IL1RAPL1: variants seen among roughly 807,000 people sequenced by gnomAD.
The protein encoded by IL1RAPL1 is interleukin 1 receptor accessory protein like 1.
IL1RAPL1 carries 3 observed loss-of-function variants against 48.4 expected under a neutral mutation model. The ratio of observed to expected loss-of-function variants is 0.06; its 90% CI spans 0.03 to 0.16. IL1RAPL1 has a LOEUF of 0.16. Ranked by LOEUF, IL1RAPL1 falls within the 10% of genes least tolerant of loss-of-function variation. The probability of loss-of-function intolerance (pLI) is 1.00; values close to 1 mark genes in which losing one functional copy is unlikely to be tolerated. For synonymous variants in IL1RAPL1, 185 were observed against 187.7 expected (o/e 0.99, Z 0.12); for missense variants, 349 against 530.6 (o/e 0.66, Z 3.36).
At position 28,829,738 on chromosome X, in the gene IL1RAPL1, T is replaced by G. The variant is rs749594493; in HGVS notation, c.82+40313T>G. On this transcript the variant is annotated intron_variant, in intron 2 of 10. Transcript: ENST00000378993. ...CCATGCCCAGCTAATTTTTGTATTTTTAGTAGAGACAGGGTTTCACCATGT... is the reference window on the plus strand; with the variant it reads ...CCATGCCCAGCTAATTTTTGTATTTGTAGTAGAGACAGGGTTTCACCATGT... Among the ~76,000 whole-genome samples the G allele has an allele frequency of 2.7e-5, 3 of 109,710 alleles. No homozygotes were observed. The South Asian group carries it at 1.2e-3, about 44-fold the overall frequency.
chrX:28,805,412 A>G (rs1243072289), intron 2 of IL1RAPL1, among the ~76,000 whole-genome samples: 1 of 111,290 alleles, frequency 9.0e-6, no homozygotes, highest in African/African-American at 3.3e-5. Context: ...CCGACTGACA[A>G]ATTGTACATC....
intron 2 of IL1RAPL1, among the ~76,000 whole-genome samples, chrX:29,048,083 G>A (rs1239462943): frequency 9.0e-6 from 1 of 111,198 alleles, no homozygotes; most frequent in African/African-American, 3.3e-5. Context: ...ACGTGTATGT[G>A]TGTTTGTCAC....
At chrX:28,878,353 G>T (rs768366965) in intron 2 of IL1RAPL1, among the ~76,000 whole-genome samples, 1 of 111,511 alleles carries the variant, frequency 9.0e-6, no homozygotes, top group East Asian at 2.8e-4. Flanking sequence ...GGTATTGAAA[G>T]GGTGGCATGA....
intron 3 of IL1RAPL1, among the ~76,000 whole-genome samples, chrX:29,339,027 G>A (rs1268303981): frequency 9.4e-6 from 1 of 106,802 alleles, no homozygotes; most frequent in Non-Finnish European, 1.9e-5. Flanking sequence ...CACCCGAGCC[G>A]CAGGTACTGA....
At chrX:29,573,702 A>G in intron 5 of IL1RAPL1, among the ~76,000 whole-genome samples, 1 of 112,450 alleles carries the variant, frequency 8.9e-6, no homozygotes, top group Non-Finnish European at 1.9e-5. Context: ...CTTTAGGTAG[A>G]TCCTCGTAAA....
chrX:28,815,588 A>G (rs187026433), intron 2 of IL1RAPL1, among the ~76,000 whole-genome samples: 1 of 105,508 alleles, frequency 9.5e-6, no homozygotes, highest in Non-Finnish European at 2.0e-5. Flanking sequence ...GTACCCATTA[A>G]TCAACCTCGC....
At chrX:28,907,294 A>G (rs1173758134) in intron 2 of IL1RAPL1, among the ~76,000 whole-genome samples, 3 of 111,671 alleles carry the variant, frequency 2.7e-5, no homozygotes, top group Non-Finnish European at 5.6e-5. Flanking sequence ...TCACTCTGTC[A>G]CCCAGGCTGG....
intron 5 of IL1RAPL1, among the ~76,000 whole-genome samples, chrX:29,432,264 C>A (rs1410931611): frequency 9.0e-6 from 1 of 111,163 alleles, no homozygotes; most frequent in Non-Finnish European, 1.9e-5. Flanking sequence ...TTTCTCTGCC[C>A]CTTTAAGGTG....
intron 5 of IL1RAPL1, among the ~76,000 whole-genome samples, chrX:29,591,683 C>T (rs965441582): frequency 8.9e-6 from 1 of 112,651 alleles, no homozygotes; most frequent in Admixed American, 9.3e-5. Flanking sequence ...TTGGGGGAAG[C>T]CCTCTGCTGT....
intron 2 of IL1RAPL1, among the ~76,000 whole-genome samples, chrX:29,111,994 A>G (rs1402118654): frequency 1.1e-5 from 1 of 89,479 alleles, no homozygotes; most frequent in Non-Finnish European, 2.1e-5. Flanking sequence ...CAGTGGCGCC[A>G]TCTTGGCTTA....
chrX:29,236,088 T>A (rs1931288578), intron 2 of IL1RAPL1, among the ~76,000 whole-genome samples: 1 of 112,683 alleles, frequency 8.9e-6, no homozygotes, highest in African/African-American at 3.2e-5. Flanking sequence ...GAGAATACAG[T>A]TGACTTCCTA....
At chrX:28,628,476 G>A (rs1934365444) in intron 1 of IL1RAPL1, among the ~76,000 whole-genome samples, 1 of 112,132 alleles carries the variant, frequency 8.9e-6, no homozygotes, top group African/African-American at 3.2e-5. Flanking sequence ...CAGCTGTTTT[G>A]ATATACAGGA....
At chrX:29,452,604 G>C (rs1450930615) in intron 5 of IL1RAPL1, among the ~76,000 whole-genome samples, 2 of 111,549 alleles carry the variant, frequency 1.8e-5, no homozygotes, top group African/African-American at 6.5e-5. Context: ...TTAGGGTAGA[G>C]ACCAGGCTTA....
chrX:29,436,081 T>A (rs1394415313), intron 5 of IL1RAPL1, among the ~76,000 whole-genome samples: 1 of 109,545 alleles, frequency 9.1e-6, no homozygotes, highest in Non-Finnish European at 1.9e-5. Context: ...TTAAGTCCAT[T>A]GGACTGGCAG....
intron 3 of IL1RAPL1, among the ~76,000 whole-genome samples, chrX:29,326,408 A>G (rs1281549673): frequency 8.9e-6 from 1 of 112,498 alleles, no homozygotes; most frequent in Non-Finnish European, 1.9e-5. Context: ...ACATCAAATG[A>G]GGCAAAGTAC....
At chrX:29,270,199 G>A (rs2147590878) in intron 2 of IL1RAPL1, among the ~76,000 whole-genome samples, 1 of 111,457 alleles carries the variant, frequency 9.0e-6, no homozygotes, top group African/African-American at 3.3e-5. Context: ...CTCTGAATAA[G>A]GCTTCTATGA....
intron 5 of IL1RAPL1, among the ~76,000 whole-genome samples, chrX:29,402,912 A>G (rs1934012526): frequency 8.9e-6 from 1 of 111,897 alleles, no homozygotes; most frequent in Non-Finnish European, 1.9e-5. Context: ...GAAAAAACAC[A>G]GAGGTAAAAT....
At chrX:28,742,337 G>A (rs1935919088) in intron 1 of IL1RAPL1, among the ~76,000 whole-genome samples, 1 of 111,441 alleles carries the variant, frequency 9.0e-6, no homozygotes, top group Non-Finnish European at 1.9e-5. Context: ...TGGCAAATAA[G>A]GAGACAATAT....
intron 5 of IL1RAPL1, among the ~76,000 whole-genome samples, chrX:29,493,783 C>T (rs1004650007): frequency 3.6e-5 from 4 of 111,430 alleles, no homozygotes; most frequent in African/African-American, 9.8e-5. Context: ...ACCCAAGTAG[C>T]GAGCATAGTA....
Sources: gnomAD v4.1 joint callset for allele counts (sites outside exome capture counted in the v4.1 genomes callset) on GRCh38, gnomAD v4.1.1 for gene constraint, MANE v1.5 for transcripts, NCBI Gene and HGNC (gene_info 2026-07-23, HGNC 2026-07-21) for gene names.